The following COLQ variants were observed in gnomAD, a reference collection of about 807,000 sequenced individuals.
COLQ encodes the protein acetylcholinesterase collagenic tail peptide.
A neutral mutation model predicts 69.0 loss-of-function variants in COLQ; 48 were observed. That is an observed-to-expected ratio of 0.70 (90% CI 0.55 to 0.88). The LOEUF is 0.88. COLQ is among the 40% of genes least tolerant of loss of function. COLQ has a pLI of 0.00. For missense variants in COLQ, 618 were observed against 594.6 expected, an observed-to-expected ratio of 1.04 and a Z score of -0.41; for synonymous variants, 217 against 211.2, an observed-to-expected ratio of 1.03 and a Z score of -0.24.
rs73146138 is a variant in COLQ, at chr3:15,473,595, T to G, written c.636+405A>C. ...GCAATAAGGCACAGTGACCTTAAGC[T>G]AAAGACACCTGTGCCTTACACTGAG... is the stretch of plus-strand genomic sequence containing the variant. On this transcript the variant is annotated intron_variant, in intron 10 of 16. Transcript: ENST00000383788. The surrounding 1 kb of genome is among the most constrained non-coding windows in gnomAD (Gnocchi z 4.0). Among the ~76,000 whole-genome samples the G allele has an allele frequency of 0.011, 1,684 of 152,320 alleles. 29 individuals carry two copies. The highest frequency in any genetic ancestry group is 0.038 in the African/African-American group (1,581 of 41,562).
At chr3:15,489,891 T>TC (rs2125139928) in intron 1 of COLQ, among the ~76,000 whole-genome samples, 1 of 152,340 alleles carries the variant, frequency 6.6e-6, no homozygotes, top group South Asian at 2.1e-4. Context: ...GGTTCAATTC[T>TC]CCTTCCTCAG....
At chr3:15,495,070 G>A (rs1446223003) in intron 1 of COLQ, among the ~76,000 whole-genome samples, 1 of 139,132 alleles carries the variant, frequency 7.2e-6, no homozygotes. Context: ...CAGGCAGTCT[G>A]GTTCCGGAGC....
intron 5 of COLQ, 130 bp from the exon 6 acceptor site, chr3:15,477,327 ACT>A (rs2062396585): frequency 7.6e-6 from 6 of 791,894 alleles, no homozygotes; most frequent in Admixed American, 4.2e-5. Context: ...CCTCATCCCC[ACT>A]CTCCGAAGAC....
At chr3:15,494,817 G>A (rs1342747456) in intron 1 of COLQ, among the ~76,000 whole-genome samples, 1 of 152,068 alleles carries the variant, frequency 6.6e-6, no homozygotes, top group Admixed American at 6.5e-5. Context: ...TATCCCCAGG[G>A]TCTAGCACTG....
intron 12 of COLQ, among the ~76,000 whole-genome samples, chr3:15,462,672 G>A (rs2062139069): frequency 6.6e-6 from 1 of 152,144 alleles, no homozygotes; most frequent in Non-Finnish European, 1.5e-5. Context: ...AGGATCTAGT[G>A]GGAAGATGAA....
intron 1 of COLQ, among the ~76,000 whole-genome samples, chr3:15,490,834 G>C (rs982277228): frequency 1.3e-5 from 2 of 152,238 alleles, no homozygotes; most frequent in Admixed American, 1.3e-4. Context: ...TTCTATTAAA[G>C]CTGAACATAG....
intron 1 of COLQ, among the ~76,000 whole-genome samples, chr3:15,492,577 G>C (rs1258061319): frequency 6.6e-6 from 1 of 151,946 alleles, no homozygotes; most frequent in African/African-American, 2.4e-5. Flanking sequence ...TGAGGTGGGA[G>C]AATGGCGTGA....
chr3:15,497,130 G>A (rs1026825053), intron 1 of COLQ, among the ~76,000 whole-genome samples: 1 of 137,642 alleles, frequency 7.3e-6, no homozygotes, highest in Non-Finnish European at 1.5e-5. Context: ...TGCAACCTCC[G>A]CCTCCAGGGT....
chr3:15,455,878 C>T (rs1467418697), intron 15 of COLQ, 21 bp downstream of exon 15: 1 of 1,613,994 alleles, frequency 6.2e-7, no homozygotes, highest in Admixed American at 1.7e-5. Flanking sequence ...CTCAGGTCCT[C>T]CTGGTCTGGG....
At chr3:15,482,264 G>C (rs2062500272) in intron 3 of COLQ, among the ~76,000 whole-genome samples, 1 of 152,204 alleles carries the variant, frequency 6.6e-6, no homozygotes, top group Non-Finnish European at 1.5e-5. Flanking sequence ...GGAGTGGTGA[G>C]AGAGGGCATC....
At chr3:15,494,522 C>A (rs966614554) in intron 1 of COLQ, among the ~76,000 whole-genome samples, 8 of 152,142 alleles carry the variant, frequency 5.3e-5, no homozygotes, top group Admixed American at 5.2e-4. Context: ...GGCACTGGGC[C>A]AGGCCTGTGG....
chr3:15,504,230 C>T (rs116436077), intron 1 of COLQ, among the ~76,000 whole-genome samples: 2,573 of 152,272 alleles, frequency 0.017, 40 homozygotes, highest in Middle Eastern at 0.034. Context: ...AGAATCGCTG[C>T]GGTTCGTGTA....
At chr3:15,459,173 G>A (rs1302895154) in intron 12 of COLQ, among the ~76,000 whole-genome samples, 1 of 152,114 alleles carries the variant, frequency 6.6e-6, no homozygotes, top group Non-Finnish European at 1.5e-5. Context: ...GGAATTTCTG[G>A]ATGTGGGTTT....
In COLQ at chr3:15,456,473, C is replaced by T. The variant is rs2125086401; in HGVS notation, c.1061G>A (p.Trp354Ter). 2 of 1,614,134 alleles carry T rather than the reference C, an allele frequency of 1.2e-6. No individual in the cohort carries two copies. Among genetic ancestry groups the T allele is most frequent in the South Asian group, 1.1e-5 (1 of 91,078 alleles). ...GCCTGGGGGTACCTGGATGGGGAGC[C>T]AGCCAAGGCTGTCCTTGAAGTACAG... ...RSLYFKDSLGWLPIQLTPFYP... is the reference protein window; with the variant it reads ...RSLYFKDSLG Residue 354 changes from tryptophan to a stop codon, truncating the protein, a stop_gained, in exon 14 of 17, where the codon TGG (tryptophan) becomes TAG (stop). Transcript: ENST00000383788. LOFTEE classifies it high-confidence loss of function.
chr3:15,488,443 G>A (rs2062613084), intron 2 of COLQ, 136 bp from the exon 3 acceptor site: 2 of 735,838 alleles, frequency 2.7e-6, no homozygotes, highest in Non-Finnish European at 2.4e-6. Context: ...ACTGCCCCAA[G>A]AAGATGACAC....
intron 1 of COLQ, among the ~76,000 whole-genome samples, chr3:15,510,641 G>A (rs542552994): frequency 6.6e-6 from 1 of 151,534 alleles, no homozygotes; most frequent in East Asian, 2.0e-4. Context: ...AGCCCAGAAG[G>A]TAGAGACTGT....
At chr3:15,515,573 G>C (rs1230423475) in intron 1 of COLQ, among the ~76,000 whole-genome samples, 1 of 152,202 alleles carries the variant, frequency 6.6e-6, no homozygotes, top group African/African-American at 2.4e-5. Context: ...ACTTTGGGAG[G>C]CTGAGGCAGA....
At chr3:15,506,022 A>G (rs1269728839) in intron 1 of COLQ, among the ~76,000 whole-genome samples, 1 of 152,176 alleles carries the variant, frequency 6.6e-6, no homozygotes, top group Non-Finnish European at 1.5e-5. Context: ...TGGGAGTCCC[A>G]TGGCTGCCCA....
intron 15 of COLQ, 70 bp from the exon 16 acceptor site, chr3:15,454,001 A>G: frequency 9.0e-7 from 1 of 1,116,642 alleles, no homozygotes. Context: ...GCTTGTAAGG[A>G]CCATGCGGCC....
Sources: gnomAD v4.1 joint callset for allele counts (sites outside exome capture counted in the v4.1 genomes callset) on GRCh38, gnomAD v4.1.1 for gene constraint, Gnocchi (gnomAD v3.1) non-coding constraint, MANE v1.5 for transcripts, NCBI Gene and HGNC (gene_info 2026-07-23, HGNC 2026-07-21) for gene names.